Variants in BAIAP3 observed in about 807,000 individuals in gnomAD.
BAIAP3 encodes BAI1-associated protein 3.
BAIAP3 carries 180 observed loss-of-function variants against 149.7 expected under a neutral mutation model. The observed-to-expected ratio is 1.20, with a 90% CI of 1.07 to 1.36. The LOEUF is 1.36. Among genes scored for constraint, BAIAP3 ranks in the 40% most tolerant of loss-of-function variants. BAIAP3 has a pLI of 0.00. For missense variants in BAIAP3, 1,767 were observed against 1,563.4 expected (o/e 1.13, Z -2.20); for synonymous variants, 845 against 670.7 (o/e 1.26, Z -4.02).
intron 5 of BAIAP3, among the ~76,000 whole-genome samples, chr16:1,339,872 G>GACACGC (rs2033756418): frequency 8.4e-6 from 1 of 119,724 alleles, no homozygotes; most frequent in Non-Finnish European, 1.7e-5. Context: ...GGTGCACACA[G>GACACGC]ACACACGCAC....
intron 24 of BAIAP3, 34 bp downstream of exon 24, chr16:1,346,112 AGGTGGGG>A: frequency 6.2e-7 from 1 of 1,605,392 alleles, no homozygotes; most frequent in Non-Finnish European, 8.5e-7. Flanking sequence ...AGCCGGCAGG[AGGTGGGG>A]GGCCATCACC....
Position 1,345,231 on chromosome 16 carries a change from A to T in BAIAP3, c.1941-18A>T. ...GTGTCTGAGTCAGGGCCGAGCCCTC[A>T]CAACCCTCCCACCACAGGGACAGCC... On this transcript the variant is annotated intron_variant, in intron 21 of 33. Transcript: ENST00000426824. 2.5e-6 allele frequency: 4 copies of T among 1,612,166 alleles called. No individual in the cohort carries two copies.
chr16:1,343,196 G>C, intron 14 of BAIAP3, 180 bp downstream of exon 14: 3 of 1,081,562 alleles, frequency 2.8e-6, no homozygotes, highest in Non-Finnish European at 4.0e-6. Context: ...GCTACGGGTA[G>C]GTGAGGCAGC....
chr16:1,337,017 G>A (rs2033499025), intron 1 of BAIAP3, among the ~76,000 whole-genome samples: 1 of 152,196 alleles, frequency 6.6e-6, no homozygotes, highest in Admixed American at 6.5e-5. Context: ...TGGTGGGGCA[G>A]AGGTGGCCTG....
intron 22 of BAIAP3, 48 bp downstream of exon 22, chr16:1,345,420 A>AGCCTCCCCC: frequency 6.9e-7 from 1 of 1,451,736 alleles, no homozygotes; most frequent in Non-Finnish European, 9.2e-7. Flanking sequence ...CCAGGCCCCC[A>AGCCTCCCCC]GCCTCCCCCG....
intron 1 of BAIAP3, among the ~76,000 whole-genome samples, chr16:1,335,754 A>G (rs1285350008): frequency 6.6e-6 from 1 of 152,072 alleles, no homozygotes; most frequent in Non-Finnish European, 1.5e-5. Context: ...CATCCTAGCA[A>G]CGGGCAGTGG....
In BAIAP3 at chr16:1,344,867, C is replaced by T. The variant is rs1192345015; in HGVS notation, c.1809+18C>T. On this transcript the variant is annotated intron_variant, in intron 20 of 33. Transcript: ENST00000426824. ...AGCGTCTGGTGAGGAGGGTCCCTGACCCCGGGTGCCTGCCAGGCATGGGGA... is the reference window on the plus strand; with the variant it reads ...AGCGTCTGGTGAGGAGGGTCCCTGATCCCGGGTGCCTGCCAGGCATGGGGA... 6.2e-7 allele frequency: 1 copy of T among 1,613,682 alleles called. No individual in the cohort carries two copies. The highest frequency in any genetic ancestry group is 1.1e-5 in the South Asian group (1 of 91,088).
Position 1,348,094 on chromosome 16 carries a change from A to G in BAIAP3, c.3150-2A>G, listed in dbSNP as rs774426929. On this transcript the variant is annotated splice_acceptor_variant, in intron 32 of 33. Coordinates refer to ENST00000426824, the MANE Select transcript of BAIAP3 (RefSeq NM_001199097.2). LOFTEE classifies it high-confidence loss of function. ...AGACTCCCGACTGGCCTCTGTCCGC[A>G]GTTCCGTGCCTGCCGAGGCGTGCCG... 1.9e-6 allele frequency: 3 copies of G among 1,602,026 alleles called. No homozygotes were observed. The highest frequency in any genetic ancestry group is 2.5e-6 in the Non-Finnish European group (3 of 1,179,208).
intron 4 of BAIAP3, 106 bp downstream of exon 4, chr16:1,339,350 A>C (rs1307295139): frequency 2.0e-5 from 30 of 1,507,040 alleles, no homozygotes; most frequent in Non-Finnish European, 2.6e-5. Context: ...GCAGAGAGCC[A>C]GGGTGAGTGG....
intron 14 of BAIAP3, 137 bp from the exon 15 acceptor site, chr16:1,343,256 G>A (rs975728245): frequency 4.5e-6 from 6 of 1,344,014 alleles, no homozygotes; most frequent in Admixed American, 4.5e-5. Flanking sequence ...TGGAGGGCAG[G>A]GAAAGGGGCA....
Position 1,348,233 on chromosome 16 carries a change from C to G in BAIAP3, c.3287C>G (p.Pro1096Arg), listed in dbSNP as rs2034526014. 1 of 1,606,446 alleles carries G rather than the reference C, an allele frequency of 6.2e-7. No homozygotes were observed. The highest frequency in any genetic ancestry group is 8.5e-7 in the Non-Finnish European group (1 of 1,178,530). Reference protein sequence around the residue: ...GLGGVTGVARPQVGGGARAGQ... With the variant: ...GLGGVTGVARRQVGGGARAGQ... ...GGTGGCGTCACTGGTGTCGCCCGGC[C>G]CCAGGTGGGCGGGGGTGCAAGGGCT... The change falls in exon 33 of 34, where the codon CCC (proline) becomes CGC (arginine). Residue 1096 changes from proline (P) to arginine (R), a missense_variant. Coordinates refer to ENST00000426824, the MANE Select transcript of BAIAP3 (RefSeq NM_001199097.2).
intron 1 of BAIAP3, chr16:1,334,626 G>T: frequency 6.5e-7 from 1 of 1,536,614 alleles, no homozygotes; most frequent in Non-Finnish European, 8.8e-7. Flanking sequence ...CACCGGCAGC[G>T]CTTGTTAGAA....
In BAIAP3 at chr16:1,348,962, G is replaced by A. The variant is rs1478987725; in HGVS notation, c.*480G>A. 3 of 258,770 alleles carry A rather than the reference G, an allele frequency of 1.2e-5. No homozygotes were observed. The highest frequency in any genetic ancestry group is 2.3e-5 in the Non-Finnish European group (3 of 132,734). 16.0% of individuals were successfully genotyped at this position (258,770 alleles called of 1,614,324 possible). A position where few individuals can be genotyped will look rare whatever the true frequency, so the allele number is the denominator to read the frequency against. On this transcript the variant is annotated 3_prime_UTR_variant, in exon 34 of 34. Transcript: ENST00000426824. ...GGATGGTCCAGAGCCTCCACCCACA[G>A]AGGGGATGCAAAGGGCAGGTGAGTC...
rs770053249 is a variant in BAIAP3 at position 1,346,650 on chromosome 16, C to G, written c.2608C>G (p.Leu870Val). 26 of 1,518,618 alleles carry G rather than the reference C, an allele frequency of 1.7e-5. No individual in the cohort carries two copies. Among genetic ancestry groups the G allele is most frequent in the Non-Finnish European group, 1.7e-5 (19 of 1,134,370 alleles). 94.1% of individuals were successfully genotyped at this position (1,518,618 alleles called of 1,614,324 possible). Residue 870 changes from leucine to valine, a missense_variant, in exon 27 of 34, where the codon CTG (leucine) becomes GTG (valine). Physicochemically the swap from Leu to Val is conservative, Grantham distance 32. Transcript: ENST00000426824. Reference protein sequence around the residue: ...MKYLDEKLALLNASLVKGNLS... With the variant: ...MKYLDEKLALVNASLVKGNLS... ...GTACCTGGATGAGAAGCTGGCCCTG[C>G]TGAACGCCTCGCTGGTGAAGGGGAA...
At position 1,339,555 on chromosome 16, in the gene BAIAP3, C is replaced by T; in HGVS notation, c.360C>T (p.Gly120=). The T allele has an allele frequency of 1.2e-6, 2 of 1,612,602 alleles. No homozygotes were observed. Among genetic ancestry groups the T allele is most frequent in the South Asian group, 2.2e-5 (2 of 91,042 alleles). ...YTVLYRAGTM[G]PDQVDDEEAL... ...TGCTTTACCGCGCGGGTACCATGGGCCCTGACCAGGTGGACGACGAGGAGG... is the reference window on the plus strand; with the variant it reads ...TGCTTTACCGCGCGGGTACCATGGGTCCTGACCAGGTGGACGACGAGGAGG... Residue 120 remains glycine, a synonymous_variant, in exon 5 of 34, where the codon GGC becomes GGT. Transcript: ENST00000426824.
intron 1 of BAIAP3, among the ~76,000 whole-genome samples, chr16:1,337,219 C>T (rs1320315718): frequency 6.6e-6 from 1 of 152,170 alleles, no homozygotes; most frequent in Non-Finnish European, 1.5e-5. Flanking sequence ...CGGCCTTCCT[C>T]CCTGACACAG....
rs1196457719 is a variant in BAIAP3, at chr16:1,339,248, A to T, written c.300+4A>T. On this transcript the variant is annotated splice_donor_region_variant and intron_variant, in intron 4 of 33. Transcript: ENST00000426824. ...GAGAGCCCTGGCCCCAGAGGAGGTAAAGGTGGGGGTCGGAACCAGGGGCAG... is the reference window on the plus strand; with the variant it reads ...GAGAGCCCTGGCCCCAGAGGAGGTATAGGTGGGGGTCGGAACCAGGGGCAG... 1.3e-6 allele frequency: 2 copies of T among 1,560,922 alleles called. No individual in the cohort carries two copies. Among genetic ancestry groups the T allele is most frequent in the African/African-American group, 1.4e-5 (1 of 73,986 alleles).
chr16:1,348,396 A>C lies in BAIAP3; in HGVS notation c.3373A>C (p.Arg1125=). Residue 1125 remains arginine, a synonymous_variant, in exon 34 of 34, where the codon AGG becomes CGG. Coordinates refer to ENST00000426824, the MANE Select transcript of BAIAP3 (RefSeq NM_001199097.2). The part of the protein sequence containing the change: ...PRAQVRSALR[R]LEGRTSKEAQ... ...GCTTGCAGTGAGATCTGCGCTGAGG[A>C]GGCTGGAAGGCCGCACCAGCAAGGA... 3.7e-6 allele frequency: 6 copies of C among 1,612,578 alleles called. No individual in the cohort carries two copies. The highest frequency in any genetic ancestry group is 5.1e-6 in the Non-Finnish European group (6 of 1,179,808).
Position 1,348,226 on chromosome 16 carries a change from G to A in BAIAP3, c.3280G>A (p.Ala1094Thr), listed in dbSNP as rs774899821. 25 of 1,606,836 alleles carry A rather than the reference G, an allele frequency of 1.6e-5. No homozygotes were observed. In the East Asian group the frequency reaches 2.9e-4, roughly 19 times the overall value. ...CGGCCTAGGTGGCGTCACTGGTGTC[G>A]CCCGGCCCCAGGTGGGCGGGGGTGC... Reference protein sequence around the residue: ...ALGLGGVTGVARPQVGGGARA... With the variant: ...ALGLGGVTGVTRPQVGGGARA... Residue 1094 changes from alanine (A) to threonine (T), a missense_variant, in exon 33 of 34, where the codon GCC (alanine) becomes ACC (threonine). Coordinates refer to ENST00000426824, the MANE Select transcript of BAIAP3 (RefSeq NM_001199097.2).
Sources: gnomAD v4.1 joint callset for allele counts (sites outside exome capture counted in the v4.1 genomes callset) on GRCh38, gnomAD v4.1.1 for gene constraint, MANE v1.5 for transcripts, NCBI Gene and HGNC (gene_info 2026-07-23, HGNC 2026-07-21) for gene names.